SEC11A: variants seen among roughly 807,000 people sequenced by gnomAD.
The protein encoded by SEC11A is SEC11 homolog A, signal peptidase complex subunit.
A neutral mutation model predicts 25.6 loss-of-function variants in SEC11A; 14 were observed. The observed-to-expected ratio is 0.55, with a 90% CI of 0.36 to 0.85. The LOEUF (loss-of-function observed/expected upper bound fraction) is 0.85. Among genes scored for constraint, SEC11A ranks in the 40% least tolerant of loss-of-function variants. The pLI is 0.01. For synonymous variants in SEC11A, 83 were observed against 76.4 expected (o/e 1.09, Z -0.45); for missense variants, 153 against 222.9 (o/e 0.69, Z 2.00).
At chr15:84,697,842 T>C (rs1293036152) in intron 1 of SEC11A, among the ~76,000 whole-genome samples, 1 of 152,194 alleles carries the variant, frequency 6.6e-6, no homozygotes, top group Admixed American at 6.5e-5. Flanking sequence ...TTGCAACATA[T>C]GTAGAATAAT....
At chr15:84,678,993 CAAA>C (rs547897320) in intron 4 of SEC11A, among the ~76,000 whole-genome samples, 1 of 112,150 alleles carries the variant, frequency 8.9e-6, no homozygotes, top group Non-Finnish European at 1.9e-5. Context: ...AGACTGTCTC[CAAA>C]AAAAAAAAAG....
At chr15:84,706,015 G>A (rs1021802882) in intron 1 of SEC11A, among the ~76,000 whole-genome samples, 6 of 151,332 alleles carry the variant, frequency 4.0e-5, no homozygotes, top group South Asian at 2.1e-4. Flanking sequence ...GGGTTCATGC[G>A]ATTCTCCTGC....
chr15:84,707,741 T>G (rs1274358160), intron 1 of SEC11A, among the ~76,000 whole-genome samples: 4 of 152,120 alleles, frequency 2.6e-5, no homozygotes, highest in African/African-American at 9.7e-5. Flanking sequence ...CATCTGGCTG[T>G]GGAAAAGAAT....
chr15:84,673,532 C>A (rs1009826290), intron 4 of SEC11A: 1 of 155,372 alleles, frequency 6.4e-6, no homozygotes, highest in Non-Finnish European at 1.4e-5. Flanking sequence ...TCTCTCTTGC[C>A]CCATCCCCAA....
intron 1 of SEC11A, among the ~76,000 whole-genome samples, chr15:84,712,588 C>T (rs1898314076): frequency 6.6e-6 from 1 of 151,758 alleles, no homozygotes; most frequent in Non-Finnish European, 1.5e-5. Flanking sequence ...GCTGGGATTA[C>T]AGGTGCGCAC....
chr15:84,698,096 G>A (rs1453717433), intron 1 of SEC11A, among the ~76,000 whole-genome samples: 1 of 151,868 alleles, frequency 6.6e-6, no homozygotes, highest in Non-Finnish European at 1.5e-5. Flanking sequence ...TCCACTCTAA[G>A]TAATATATAA....
At chr15:84,714,186 C>A (rs1898384564) in intron 1 of SEC11A, among the ~76,000 whole-genome samples, 1 of 152,016 alleles carries the variant, frequency 6.6e-6, no homozygotes, top group Non-Finnish European at 1.5e-5. Context: ...CAGCTAGTAT[C>A]TGTATTTTTA....
intron 1 of SEC11A, among the ~76,000 whole-genome samples, chr15:84,710,429 T>C (rs577914667): frequency 1.3e-5 from 2 of 151,836 alleles, no homozygotes; most frequent in Non-Finnish European, 2.9e-5. Flanking sequence ...AGGTCAGGAG[T>C]TCGAGACCAG....
At chr15:84,713,541 C>A (rs1350042772) in intron 1 of SEC11A, among the ~76,000 whole-genome samples, 1 of 152,190 alleles carries the variant, frequency 6.6e-6, no homozygotes, top group East Asian at 1.9e-4. Flanking sequence ...TCCTAACAAC[C>A]TCTGGGAGGC....
intron 4 of SEC11A, chr15:84,673,009 G>A (rs1432802625): frequency 2.3e-5 from 5 of 215,708 alleles, no homozygotes; most frequent in Non-Finnish European, 4.8e-5. Context: ...TCTGAGAAGT[G>A]AGGAGTCCCT....
chr15:84,681,898 G>A (rs1221075956), intron 3 of SEC11A, among the ~76,000 whole-genome samples: 2 of 152,078 alleles, frequency 1.3e-5, no homozygotes, highest in Non-Finnish European at 2.9e-5. Context: ...GGGCAACATG[G>A]CAAAGCAAAA....
chr15:84,683,720 TCAC>T (rs1348461358), intron 3 of SEC11A, among the ~76,000 whole-genome samples: 1 of 152,144 alleles, frequency 6.6e-6, no homozygotes, highest in Non-Finnish European at 1.5e-5. Flanking sequence ...AGACAGGGTT[TCAC>T]CATGTTGGTC....
At position 84,681,643 on chromosome 15, in the gene SEC11A, C is replaced by CA. The variant is rs993630848; in HGVS notation, c.312-812dup. Among the ~76,000 whole-genome samples, 93 of 151,848 alleles carry CA rather than the reference C, an allele frequency of 6.1e-4. 1 individual carries two copies. The highest frequency in any genetic ancestry group is 6.8e-3 in the Middle Eastern group (2 of 292). ...AGACTCCATCCCAAAACGAAAAAAA[C>CA]AAAAAAACAAGAGAGTATAAAGCCA... is the stretch of plus-strand genomic sequence containing the variant. On this transcript the variant is annotated intron_variant, in intron 3 of 5. Coordinates refer to ENST00000268220, the MANE Select transcript of SEC11A (RefSeq NM_014300.4).
At chr15:84,708,636 AG>A (rs1898170735) in intron 1 of SEC11A, among the ~76,000 whole-genome samples, 1 of 152,102 alleles carries the variant, frequency 6.6e-6, no homozygotes, top group African/African-American at 2.4e-5. Context: ...TATGAAATGG[AG>A]TCTCACTATG....
intron 1 of SEC11A, among the ~76,000 whole-genome samples, chr15:84,713,062 C>T (rs1368352517): frequency 2.6e-5 from 4 of 151,786 alleles, no homozygotes; most frequent in African/African-American, 4.8e-5. Context: ...GGTGTGGTGG[C>T]GGGTGCCTGT....
chr15:84,711,978 C>G (rs1293015209), intron 1 of SEC11A, among the ~76,000 whole-genome samples: 1 of 152,058 alleles, frequency 6.6e-6, no homozygotes, highest in East Asian at 1.9e-4. Context: ...TGGTGGCTCA[C>G]ATCTGTAATT....
At chr15:84,713,858 A>G (rs1898368991) in intron 1 of SEC11A, among the ~76,000 whole-genome samples, 2 of 152,148 alleles carry the variant, frequency 1.3e-5, no homozygotes, top group South Asian at 4.1e-4. Context: ...TCAAGATCCA[A>G]CTTAAATGCT....
Position 84,669,955 on chromosome 15 carries a change from A to T in SEC11A, c.*64T>A, listed in dbSNP as rs752027692. Reference sequence around the variant, plus strand: ...TCCATTCCACCAATCACAGACCAGTATCTACTCCAAACATCCAGTAACGAA... The same window carrying T: ...TCCATTCCACCAATCACAGACCAGTTTCTACTCCAAACATCCAGTAACGAA... On this transcript the variant is annotated 3_prime_UTR_variant, in exon 6 of 6. Coordinates refer to ENST00000268220, the MANE Select transcript of SEC11A (RefSeq NM_014300.4). The T allele has an allele frequency of 6.2e-7, 1 of 1,610,724 alleles. No individual in the cohort carries two copies. The highest frequency in any genetic ancestry group is 1.1e-5 in the South Asian group (1 of 89,952).
intron 2 of SEC11A, among the ~76,000 whole-genome samples, chr15:84,690,733 C>T (rs1182467282): frequency 6.6e-6 from 1 of 152,112 alleles, no homozygotes; most frequent in Non-Finnish European, 1.5e-5. Context: ...TTCAAAATTC[C>T]TGGAGTCTAG....
Sources: allele counts gnomAD v4.1 joint callset (sites outside exome capture counted in the v4.1 genomes callset), GRCh38; gene constraint gnomAD v4.1.1; transcripts MANE v1.5; gene names NCBI Gene and HGNC (gene_info 2026-07-23, HGNC 2026-07-21).